Variants in GLI3 observed in about 807,000 individuals in gnomAD.
GLI3 encodes transcription activator GLI3.
GLI3 carries 20 observed loss-of-function variants against 100.8 expected under a neutral mutation model. That is an observed-to-expected ratio of 0.20 (90% CI 0.14 to 0.29). The LOEUF is 0.29. Among genes scored for constraint, GLI3 ranks in the 10% least tolerant of loss-of-function variants. The probability of loss-of-function intolerance (pLI) is 1.00; values close to 1 mark genes in which losing one functional copy is unlikely to be tolerated. For synonymous variants in GLI3, 938 were observed against 860.5 expected (o/e 1.09, Z -1.58); for missense variants, 2,040 against 2,128.5 (o/e 0.96, Z 0.82).
chr7:42,076,787 G>A lies in GLI3; in HGVS notation c.438C>T (p.Tyr146=), dbSNP rs151222023. The stretch of plus-strand genomic sequence containing the variant: ...GAGGAATCGGAGATGGATCGTAATG[G>A]TAACGGCCCTCATGATGTCTGGCAT... ...PIDARHHEGR[Y]HYDPSPIPPL... Residue 146 remains tyrosine (Y), a synonymous_variant, in exon 4 of 15, where the codon TAC becomes TAT. Transcript: ENST00000395925. 4 of 1,610,586 alleles carry A rather than the reference G, an allele frequency of 2.5e-6. No individual in the cohort carries two copies. In the African/African-American group the frequency reaches 4.0e-5, roughly 16 times the overall value.
At chr7:42,101,087 G>A (rs190315305) in intron 3 of GLI3, among the ~76,000 whole-genome samples, 1 of 152,262 alleles carries the variant, frequency 6.6e-6, no homozygotes, top group East Asian at 1.9e-4. Flanking sequence ...CTTTTGAAGA[G>A]GCTACATTCT....
At chr7:42,075,115 G>A (rs75591473) in intron 4 of GLI3, among the ~76,000 whole-genome samples, 1,782 of 152,204 alleles carry the variant, frequency 0.012, 11 homozygotes, top group Middle Eastern at 0.034. Flanking sequence ...GTTATATTCC[G>A]CCATAGAACC....
In GLI3 at chr7:42,076,871, A is replaced by T; in HGVS notation, c.368-14T>A. Reference sequence around the variant, plus strand: ...GATGAGGAGGGTCTGAAAAGAAGAGAGAGCCCAATCTATATCAAATGAACA... The same window carrying T: ...GATGAGGAGGGTCTGAAAAGAAGAGTGAGCCCAATCTATATCAAATGAACA... On this transcript the variant is annotated splice_polypyrimidine_tract_variant and intron_variant, in intron 3 of 14. Coordinates refer to ENST00000395925, the MANE Select transcript of GLI3 (RefSeq NM_000168.6). 1 of 1,486,270 alleles carries T rather than the reference A, an allele frequency of 6.7e-7. No homozygotes were observed. Among genetic ancestry groups the T allele is most frequent in the South Asian group, 1.1e-5 (1 of 88,430 alleles). The allele number at this position is 1,486,270 out of a possible 1,614,324, so 92.1% of individuals were successfully genotyped here. A position where few individuals can be genotyped will look rare whatever the true frequency, so the allele number is the denominator to read the frequency against.
intron 2 of GLI3, among the ~76,000 whole-genome samples, chr7:42,182,663 TATATATATATATATATATAC>T (rs1451198195): frequency 1.4e-3 from 86 of 60,646 alleles, no homozygotes; most frequent in African/African-American, 5.2e-3. Flanking sequence ...TATATATATA[TATATATATATATATATATAC>T]ACATGTGTGT....
At chr7:42,044,674 T>A (rs699491) in intron 6 of GLI3, among the ~76,000 whole-genome samples, 1 of 151,984 alleles carries the variant, frequency 6.6e-6, no homozygotes, top group African/African-American at 2.4e-5. Context: ...AGCTACAAAC[T>A]GTCTTAGTGG....
intron 3 of GLI3, among the ~76,000 whole-genome samples, chr7:42,107,446 C>T (rs941418531): frequency 6.6e-6 from 1 of 152,178 alleles, no homozygotes; most frequent in Non-Finnish European, 1.5e-5. Flanking sequence ...TCAACTCAGG[C>T]GACTGAGGGT....
chr7:41,968,775 A>G (rs556485881), intron 13 of GLI3, among the ~76,000 whole-genome samples: 27 of 139,984 alleles, frequency 1.9e-4, no homozygotes, highest in African/African-American at 6.4e-4. Context: ...AAAGAAAGAA[A>G]GAAAGAAAGA....
At chr7:42,122,577 G>A (rs1786028835) in intron 3 of GLI3, among the ~76,000 whole-genome samples, 1 of 152,156 alleles carries the variant, frequency 6.6e-6, no homozygotes, top group Non-Finnish European at 1.5e-5. Context: ...AGGAAGCTGA[G>A]GGGTTAAGTG....
At chr7:42,184,546 A>G (rs1787680845) in intron 2 of GLI3, among the ~76,000 whole-genome samples, 1 of 152,242 alleles carries the variant, frequency 6.6e-6, no homozygotes, top group Non-Finnish European at 1.5e-5. Flanking sequence ...TTCAGGGCCT[A>G]GAACAGTGAC....
chr7:42,231,816 G>C (rs1238718294), intron 1 of GLI3, among the ~76,000 whole-genome samples: 1 of 151,458 alleles, frequency 6.6e-6, no homozygotes, highest in Admixed American at 6.6e-5. Context: ...TAAATGGTGA[G>C]TTTTCAGTCT....
chr7:42,100,740 C>A (rs931888750), intron 3 of GLI3, among the ~76,000 whole-genome samples: 3 of 151,676 alleles, frequency 2.0e-5, no homozygotes, highest in Non-Finnish European at 4.4e-5. Flanking sequence ...AGACTCTTTC[C>A]AAGAAAAAGA....
chr7:42,205,848 C>T (rs1448416769), intron 2 of GLI3, among the ~76,000 whole-genome samples: 1 of 152,152 alleles, frequency 6.6e-6, no homozygotes, highest in African/African-American at 2.4e-5. Context: ...ATTTGTGTGG[C>T]TTTGATATAC....
At chr7:42,056,903 A>G (rs1388289201) in intron 4 of GLI3, among the ~76,000 whole-genome samples, 1 of 151,230 alleles carries the variant, frequency 6.6e-6, no homozygotes, top group Non-Finnish European at 1.5e-5. Flanking sequence ...AATCGCTTGA[A>G]CCCAGGAGGC....
intron 2 of GLI3, among the ~76,000 whole-genome samples, chr7:42,172,095 G>A (rs1374309542): frequency 6.6e-6 from 1 of 151,806 alleles, no homozygotes; most frequent in Non-Finnish European, 1.5e-5. Flanking sequence ...ACTCCTGGAT[G>A]TATTCACATT....
chr7:42,118,845 T>A (rs1785924540), intron 3 of GLI3, among the ~76,000 whole-genome samples: 1 of 152,172 alleles, frequency 6.6e-6, no homozygotes, highest in African/African-American at 2.4e-5. Context: ...TAGCTATGGG[T>A]CAAAACCCAA....
intron 3 of GLI3, among the ~76,000 whole-genome samples, chr7:42,091,474 G>C (rs375450778): frequency 6.6e-6 from 1 of 152,202 alleles, no homozygotes; most frequent in Non-Finnish European, 1.5e-5. Flanking sequence ...GGCAGAACAC[G>C]GGCCAGACAT....
chr7:42,010,354 G>A (rs906286830), intron 10 of GLI3, among the ~76,000 whole-genome samples: 1 of 152,196 alleles, frequency 6.6e-6, no homozygotes, highest in Admixed American at 6.5e-5. Context: ...GGAGCTTGGA[G>A]GTTCAAGTTA....
chr7:42,167,078 C>A (rs113798741), intron 2 of GLI3, among the ~76,000 whole-genome samples: 4,378 of 152,192 alleles, frequency 0.029, 205 homozygotes, highest in African/African-American at 0.1. Context: ...CCGCCCACTT[C>A]GGCCTCCTAA....
intron 3 of GLI3, chr7:42,118,116 C>A (rs146703338): frequency 9.6e-4 from 369 of 383,424 alleles, no homozygotes; most frequent in African/African-American, 6.4e-3. Context: ...GCTCAAAATA[C>A]CAACTTCGGG....
Sources: allele counts gnomAD v4.1 joint callset (sites outside exome capture counted in the v4.1 genomes callset), GRCh38; gene constraint gnomAD v4.1.1; transcripts MANE v1.5; gene names NCBI Gene and HGNC (gene_info 2026-07-23, HGNC 2026-07-21).